The following CNTLN variants were observed in gnomAD, a reference collection of about 807,000 sequenced individuals.
CNTLN encodes centlein.
CNTLN carries 212 observed loss-of-function variants against 180.0 expected under a neutral mutation model. That is an observed-to-expected ratio of 1.18 (90% CI 1.05 to 1.32). The LOEUF (loss-of-function observed/expected upper bound fraction) is 1.32. Ranked by LOEUF, CNTLN falls within the 40% of genes most tolerant of loss-of-function variation. The pLI is 0.00. For synonymous variants in CNTLN, 722 were observed against 563.1 expected, an observed-to-expected ratio of 1.28 and a Z score of -3.99; for missense variants, 2,095 against 1,610.9, an observed-to-expected ratio of 1.30 and a Z score of -5.14.
At position 17,292,450 on chromosome 9, in the gene CNTLN, A is replaced by G. The variant is rs558529278; in HGVS notation, c.984-5740A>G. ...TCTTTCAGGTATCCAAGTCAGTCAT[A>G]GGTTCGGTCTTTTTACATAATCCCA... On this transcript the variant is annotated intron_variant, in intron 6 of 25. Transcript: ENST00000380647. Among the ~76,000 whole-genome samples the G allele has an allele frequency of 3.0e-4, 46 of 152,270 alleles. 1 individual carries two copies. The highest frequency in any genetic ancestry group is 1.0e-3 in the African/African-American group (43 of 41,560).
At chr9:17,295,916 G>C (rs371294480) in intron 6 of CNTLN, among the ~76,000 whole-genome samples, 1 of 151,156 alleles carries the variant, frequency 6.6e-6, no homozygotes, top group Admixed American at 6.6e-5. Flanking sequence ...TTCCCAGGTT[G>C]ATTTTTAATT....
chr9:17,398,560 C>T (rs889285329), intron 15 of CNTLN, among the ~76,000 whole-genome samples: 1 of 152,182 alleles, frequency 6.6e-6, no homozygotes, highest in Non-Finnish European at 1.5e-5. Flanking sequence ...GTGACATCAG[C>T]AAGCTCGTTC....
At chr9:17,326,193 T>A (rs1395496242) in intron 8 of CNTLN, among the ~76,000 whole-genome samples, 1 of 152,086 alleles carries the variant, frequency 6.6e-6, no homozygotes, top group African/African-American at 2.4e-5. Context: ...CCTTTAGCCG[T>A]GTAGTCAGTC....
the CNTLN span, among the ~76,000 whole-genome samples, chr9:17,516,467 A>G: frequency 6.6e-6 from 1 of 152,238 alleles, no homozygotes; most frequent in Non-Finnish European, 1.5e-5. Flanking sequence ...GACCCAGGAA[A>G]AAGGGTATAA....
Position 17,135,169 on chromosome 9 carries a change from G to T in CNTLN, c.104G>T (p.Arg35Leu). The T allele has an allele frequency of 6.2e-7, 1 of 1,609,922 alleles. No homozygotes were observed. Among genetic ancestry groups the T allele is most frequent in the South Asian group, 1.1e-5 (1 of 89,920 alleles). ...VGRGAEVHAM[R>L]SEASGFAGAA... ...CGGGGAGCTGAAGTACACGCAATGCGCAGCGAGGCCTCGGGTTTTGCCGGC... is the reference window on the plus strand; with the variant it reads ...CGGGGAGCTGAAGTACACGCAATGCTCAGCGAGGCCTCGGGTTTTGCCGGC... The change falls in exon 1 of 26, where the codon CGC becomes CTC. Residue 35 changes from arginine to leucine, a missense_variant. Physicochemically the swap from Arg to Leu is moderately radical, Grantham distance 102. Transcript: ENST00000380647.
intron 18 of CNTLN, among the ~76,000 whole-genome samples, chr9:17,436,370 C>T (rs908366764): frequency 6.6e-6 from 1 of 152,126 alleles, no homozygotes; most frequent in Non-Finnish European, 1.5e-5. Context: ...AGAATTTGAG[C>T]TTTCAAATTT....
chr9:17,417,499 C>CA (rs1362415444), intron 18 of CNTLN, among the ~76,000 whole-genome samples: 1 of 152,044 alleles, frequency 6.6e-6, no homozygotes, highest in African/African-American at 2.4e-5. Context: ...TCTTATTATA[C>CA]AAAAAACATT....
At chr9:17,339,529 T>C (rs2074867089) in intron 10 of CNTLN, among the ~76,000 whole-genome samples, 1 of 152,234 alleles carries the variant, frequency 6.6e-6, no homozygotes, top group African/African-American at 2.4e-5. Flanking sequence ...CTTAAGATAA[T>C]GCCACTAACA....
chr9:17,246,243 C>T (rs144035810), intron 5 of CNTLN, among the ~76,000 whole-genome samples: 2 of 152,232 alleles, frequency 1.3e-5, no homozygotes, highest in Admixed American at 1.3e-4. Flanking sequence ...GTCATTGTAG[C>T]CTTATCTGCA....
chr9:17,172,363 T>A (rs1820474828), intron 2 of CNTLN, among the ~76,000 whole-genome samples: 2 of 152,162 alleles, frequency 1.3e-5, no homozygotes, highest in Admixed American at 1.3e-4. Context: ...TTCCTACACT[T>A]CTTCTTTGTT....
At chr9:17,213,006 C>T (rs966767579) in intron 2 of CNTLN, among the ~76,000 whole-genome samples, 2 of 152,166 alleles carry the variant, frequency 1.3e-5, no homozygotes, top group Admixed American at 6.5e-5. Flanking sequence ...AAAAAACCAG[C>T]TGCTAGATTC....
At chr9:17,175,923 A>T (rs1022921658) in intron 2 of CNTLN, among the ~76,000 whole-genome samples, 6 of 152,054 alleles carry the variant, frequency 3.9e-5, no homozygotes, top group Non-Finnish European at 5.9e-5. Context: ...TGCATTACTA[A>T]TATATAGAAT....
chr9:17,175,717 G>T (rs1282636921), intron 2 of CNTLN, among the ~76,000 whole-genome samples: 2 of 151,136 alleles, frequency 1.3e-5, no homozygotes, highest in Non-Finnish European at 2.9e-5. Context: ...ATATCAATTT[G>T]GGGGAGAATT....
chr9:17,322,902 A>C lies in CNTLN; in HGVS notation c.1342-7730A>C, dbSNP rs111797931. Among the ~76,000 whole-genome samples, 41 of 152,340 alleles carry C rather than the reference A, an allele frequency of 2.7e-4. 2 individuals carry two copies. Among genetic ancestry groups the C allele is most frequent in the African/African-American group, 9.1e-4 (38 of 41,592 alleles). On this transcript the variant is annotated intron_variant, in intron 8 of 25. Coordinates refer to ENST00000380647, the MANE Select transcript of CNTLN (RefSeq NM_017738.4). The stretch of plus-strand genomic sequence containing the variant: ...TGATTGCCTTTTAAAATAATACAAC[A>C]CAAGCTTTTTTATATTCTTTATGAA...
chr9:17,202,091 A>T (rs1822572932), intron 2 of CNTLN, among the ~76,000 whole-genome samples: 1 of 152,142 alleles, frequency 6.6e-6, no homozygotes, highest in African/African-American at 2.4e-5. Flanking sequence ...TTTGTTATTT[A>T]CCCAGTAGTC....
At chr9:17,408,378 G>A (rs903143622) in intron 15 of CNTLN, among the ~76,000 whole-genome samples, 2 of 151,734 alleles carry the variant, frequency 1.3e-5, no homozygotes, top group African/African-American at 4.8e-5. Context: ...CATCACTATT[G>A]ACATAGTATG....
intron 5 of CNTLN, among the ~76,000 whole-genome samples, chr9:17,270,168 C>T (rs976781833): frequency 2.0e-5 from 3 of 151,822 alleles, no homozygotes; most frequent in East Asian, 1.9e-4. Context: ...CCTAAAATCC[C>T]CAGGACAATT....
chr9:17,297,550 C>T (rs1818036826), intron 6 of CNTLN, among the ~76,000 whole-genome samples: 1 of 152,130 alleles, frequency 6.6e-6, no homozygotes, highest in Non-Finnish European at 1.5e-5. Flanking sequence ...CCATCATTAC[C>T]ACCACCAGTT....
At position 17,135,299 on chromosome 9, in the gene CNTLN, C is replaced by T; in HGVS notation, c.234C>T (p.Pro78=). 6.2e-7 allele frequency: 1 copy of T among 1,601,214 alleles called. No individual in the cohort carries two copies. Among genetic ancestry groups the T allele is most frequent in the Non-Finnish European group, 8.5e-7 (1 of 1,174,788 alleles). Residue 78 remains proline, a synonymous_variant, in exon 1 of 26, where the codon CCC becomes CCT. Transcript: ENST00000380647. ...GPGGAAPAHA[P]LLSAPMGSRR... is the part of the protein sequence containing the mutation. ...GGGGGGCAGCTCCGGCTCATGCTCC[C>T]CTCCTCAGCGCGCCCATGGGGTCCA...
Sources: gnomAD v4.1 joint callset for allele counts (sites outside exome capture counted in the v4.1 genomes callset) on GRCh38, gnomAD v4.1.1 for gene constraint, MANE v1.5 for transcripts, NCBI Gene and HGNC (gene_info 2026-07-23, HGNC 2026-07-21) for gene names.